Variants in AQR observed in about 807,000 individuals in gnomAD.
AQR encodes the protein aquarius intron-binding spliceosomal factor, also known as RNA helicase aquarius.
In AQR, 61 loss-of-function variants were observed where a neutral mutation model predicts 180.5. That is an observed-to-expected ratio of 0.34 (90% confidence interval 0.28 to 0.42). The LOEUF is 0.42. Among genes scored for constraint, AQR ranks in the 10% least tolerant of loss-of-function variants. The probability of loss-of-function intolerance (pLI) is 1.00; values close to 1 mark genes in which losing one functional copy is unlikely to be tolerated. For synonymous variants in AQR, 551 were observed against 588.8 expected, an observed-to-expected ratio of 0.94 and a Z score of 0.93; for missense variants, 1,281 against 1,798.3, an observed-to-expected ratio of 0.71 and a Z score of 5.20.
intron 26 of AQR, among the ~76,000 whole-genome samples, chr15:34,883,615 T>C (rs560724359): frequency 6.6e-6 from 1 of 152,312 alleles, no homozygotes; most frequent in South Asian, 2.1e-4. Flanking sequence ...AGGTATGTAA[T>C]CACATCTAAA....
At chr15:34,937,977 A>G (rs970348003) in intron 9 of AQR, among the ~76,000 whole-genome samples, 2 of 151,322 alleles carry the variant, frequency 1.3e-5, no homozygotes, top group African/African-American at 2.4e-5. Context: ...AAATCAGTAA[A>G]TGGAGCTATG....
chr15:34,930,443 A>T, intron 11 of AQR, 72 bp from the exon 12 acceptor site: 5 of 842,338 alleles, frequency 5.9e-6, no homozygotes, highest in Non-Finnish European at 9.6e-6. Flanking sequence ...GTTTAAAATA[A>T]TAAACAGGTT....
rs543322749 is a variant in AQR at position 34,881,697 on chromosome 15, A to C, written c.3165+805T>G. ...TAAGAGTATTCCATATCCTCATATG[A>C]AAGGCTTTTCATTTGCTAAGTACAC... On this transcript the variant is annotated intron_variant, in intron 27 of 34. Coordinates refer to ENST00000156471, the MANE Select transcript of AQR (RefSeq NM_014691.3). 1.2e-4 allele frequency among the ~76,000 whole-genome samples: 18 copies of C among 152,326 alleles called. No individual in the cohort carries two copies. The South Asian group carries it at 3.7e-3, about 32-fold the overall frequency.
In AQR at chr15:34,886,436, C is replaced by T. The variant is rs1893060873; in HGVS notation, c.2817+90G>A. On this transcript the variant is annotated intron_variant, in intron 25 of 34. Transcript: ENST00000156471. ...ATTCTAATCTACTCAAAAAAATAAG[C>T]TTTCATGAAGGATCACAAGAACTCA... The T allele has an allele frequency of 1.4e-5, 19 of 1,375,828 alleles. No homozygotes were observed. The South Asian group carries it at 2.8e-4, about 20-fold the overall frequency. 85.2% of individuals were successfully genotyped at this position (1,375,828 alleles called of 1,614,324 possible). A position where few individuals can be genotyped will look rare whatever the true frequency, so the allele number is the denominator to read the frequency against.
chr15:34,915,208 AAT>A, intron 15 of AQR, 29 bp from the exon 16 acceptor site: 2 of 1,536,900 alleles, frequency 1.3e-6, no homozygotes, highest in Non-Finnish European at 8.7e-7. Context: ...TCCATATTTC[AAT>A]TTTTTTTTTT....
intron 13 of AQR, among the ~76,000 whole-genome samples, chr15:34,921,481 CA>C (rs1184505315): frequency 2.7e-5 from 4 of 147,208 alleles, no homozygotes; most frequent in Admixed American, 6.8e-5. Flanking sequence ...CAGCCTTGGA[CA>C]AATGGCCAAT....
intron 26 of AQR, among the ~76,000 whole-genome samples, chr15:34,884,042 C>T (rs929897345): frequency 6.6e-6 from 1 of 152,118 alleles, no homozygotes; most frequent in African/African-American, 2.4e-5. Context: ...AATACTAAGA[C>T]CTTTACATCA....
chr15:34,946,769 GC>G (rs1190855847), intron 5 of AQR, among the ~76,000 whole-genome samples: 2 of 149,124 alleles, frequency 1.3e-5, no homozygotes, highest in African/African-American at 2.5e-5. Context: ...GGGGGGGTCA[GC>G]CCCCCGCCCG....
rs766053687 is a variant in AQR, at chr15:34,944,295, T to C, written c.464A>G (p.Asn155Ser). 1.3e-6 allele frequency: 2 copies of C among 1,590,564 alleles called. No individual in the cohort carries two copies. The highest frequency in any genetic ancestry group is 1.7e-6 in the Non-Finnish European group (2 of 1,172,788). Residue 155 changes from asparagine to serine, a missense_variant, in exon 6 of 35, where the codon AAT becomes AGT. Around this residue, in one of 9 missense-constraint regions of AQR, gnomAD observed 404 missense variants for 490.9 expected, o/e 0.82. Transcript: ENST00000156471. ...AATATAAAGTAAAAGTACCAAACTATTGAAGCAATGATCAAGAAAAAGTAG... is the reference window on the plus strand; with the variant it reads ...AATATAAAGTAAAAGTACCAAACTACTGAAGCAATGATCAAGAAAAAGTAG... ...VLLLFLDHCF[N>S]SLEVDLIRSQ...
intron 17 of AQR, 124 bp from the exon 18 acceptor site, chr15:34,906,836 G>T: frequency 3.7e-6 from 3 of 816,800 alleles, no homozygotes; most frequent in South Asian, 2.1e-5. Flanking sequence ...AGTGACCAAT[G>T]ATTATTATCG....
chr15:34,875,590 AT>A (rs148108662), intron 28 of AQR, among the ~76,000 whole-genome samples: 9,440 of 152,274 alleles, frequency 0.062, 329 homozygotes, highest in Middle Eastern at 0.092. Flanking sequence ...AATGAAAAAA[AT>A]AATTCTACAA....
intron 22 of AQR, 46 bp downstream of exon 22, chr15:34,896,851 G>A (rs1274761528): frequency 6.6e-7 from 1 of 1,514,814 alleles, no homozygotes; most frequent in Admixed American, 1.7e-5. Context: ...CTCCATCTCA[G>A]AAAACAAACA....
chr15:34,907,689 T>C (rs1050420388), intron 17 of AQR, among the ~76,000 whole-genome samples: 4 of 152,210 alleles, frequency 2.6e-5, no homozygotes, highest in Non-Finnish European at 5.9e-5. Context: ...ATAAATTCTA[T>C]GCAAAGCAGC....
At chr15:34,927,650 GCA>G (rs1893784876) in intron 12 of AQR, among the ~76,000 whole-genome samples, 1 of 130,924 alleles carries the variant, frequency 7.6e-6, no homozygotes, top group African/African-American at 2.5e-5. Flanking sequence ...TAGTAGTATT[GCA>G]CAGAGTGACT....
At chr15:34,875,174 C>T (rs958069722) in intron 28 of AQR, among the ~76,000 whole-genome samples, 2 of 152,018 alleles carry the variant, frequency 1.3e-5, no homozygotes, top group East Asian at 1.9e-4. Flanking sequence ...CATTAGGTAA[C>T]GAGCACACAG....
At chr15:34,969,420 T>A (rs1775285004) in intron 1 of AQR, 119 bp downstream of exon 1, 1 of 1,013,266 alleles carries the variant, frequency 9.9e-7, no homozygotes, top group African/African-American at 1.6e-5. Context: ...CGTGTGTGAA[T>A]CAATTAACAA....
intron 12 of AQR, among the ~76,000 whole-genome samples, chr15:34,928,453 T>G (rs1030258840): frequency 6.6e-6 from 1 of 152,152 alleles, no homozygotes; most frequent in Non-Finnish European, 1.5e-5. Flanking sequence ...GGTGTTTGGT[T>G]TTTTGTTCCT....
intron 17 of AQR, among the ~76,000 whole-genome samples, chr15:34,908,987 A>AT (rs1259807941): frequency 6.8e-6 from 1 of 147,268 alleles, no homozygotes; most frequent in Non-Finnish European, 1.5e-5. Flanking sequence ...ATTAGTCTAG[A>AT]TGAGTAATAT....
At chr15:34,938,164 G>C (rs990466174) in intron 9 of AQR, among the ~76,000 whole-genome samples, 2 of 151,948 alleles carry the variant, frequency 1.3e-5, no homozygotes, top group African/African-American at 2.4e-5. Context: ...CCTTAGACAG[G>C]ACCTGGATCT....
Sources: gnomAD v4.1 joint callset for allele counts (sites outside exome capture counted in the v4.1 genomes callset) on GRCh38, gnomAD v4.1.1 for gene constraint, gnomAD v4.1.1 regional missense constraint, MANE v1.5 for transcripts, NCBI Gene and HGNC (gene_info 2026-07-23, HGNC 2026-07-21) for gene names.